EVPL: variants seen among roughly 807,000 people sequenced by gnomAD.
The protein encoded by EVPL is 210 kDa cornified envelope precursor protein.
EVPL carries 94 observed loss-of-function variants against 129.7 expected under a neutral mutation model. The observed-to-expected ratio is 0.72, with a 90% CI of 0.61 to 0.86. EVPL has a LOEUF of 0.86. EVPL is among the 40% of genes least tolerant of loss of function. The pLI, the probability that EVPL is intolerant of heterozygous loss-of-function variation, is 0.00. For synonymous variants in EVPL, 1,172 were observed against 1,191.1 expected (o/e 0.98, Z 0.33); for missense variants, 2,625 against 2,721.1 (o/e 0.96, Z 0.79).
At chr17:76,010,950 T>C (rs1403725935) in intron 21 of EVPL, among the ~76,000 whole-genome samples, 1 of 152,114 alleles carries the variant, frequency 6.6e-6, no homozygotes, top group African/African-American at 2.4e-5. Context: ...TAATCCCAGT[T>C]ACTCAGGAGG....
intron 1 of EVPL, 85 bp downstream of exon 1, chr17:76,027,016 C>T (rs1489523326): frequency 1.4e-5 from 11 of 805,388 alleles, no homozygotes; most frequent in South Asian, 3.9e-5. Flanking sequence ...TCTGGGCCGC[C>T]GCCGCCGCCA....
chr17:76,022,134 G>A lies in EVPL; in HGVS notation c.645+55C>T. On this transcript the variant is annotated intron_variant, in intron 6 of 21. Transcript: ENST00000301607. The surrounding 1 kb of genome is among the most constrained non-coding windows in gnomAD (Gnocchi z 5.6). ...GAACACTGGCCCCGGGCAGGGTCCG[G>A]GCGGCCACCCAGGCCCACCCGCAGC... 1 of 1,603,672 alleles carries A rather than the reference G, an allele frequency of 6.2e-7. No homozygotes were observed.
Position 76,008,060 on chromosome 17 carries a change from C to T in EVPL, c.5145G>A (p.Gln1715=). 6.2e-7 allele frequency: 1 copy of T among 1,614,208 alleles called. No homozygotes were observed. ...CCCAGTCACACTCGAGCTCCTGCAGCTGCAAGTACTGGCCCCTGTCGATGA... is the reference window on the plus strand; with the variant it reads ...CCCAGTCACACTCGAGCTCCTGCAGTTGCAAGTACTGGCCCCTGTCGATGA... ...RGIIDRGQYL[Q]LQELECDWEE... Residue 1715 remains glutamine (Q), a synonymous_variant, in exon 22 of 22, where the codon CAG becomes CAA. Transcript: ENST00000301607. The surrounding 1 kb of genome is among the most constrained non-coding windows in gnomAD (Gnocchi z 7.4).
Position 76,015,043 on chromosome 17 carries a change from A to G in EVPL, c.2095T>C (p.Ser699Pro). The change falls in exon 17 of 22, where the codon TCG (serine) becomes CCG (proline). Residue 699 changes from serine (S) to proline (P), a missense_variant. Ser to Pro is a moderately conservative substitution (Grantham distance 74, BLOSUM62 -1). Transcript: ENST00000301607. ...TGCAGGGCAGCGCATGCGTGCTCCG[A>G]GGCCTTCAGCGCGCGGTGTAGCCGC... Reference protein sequence around the residue: ...VLRLHRALKASEHACAALQNN... With the variant: ...VLRLHRALKAPEHACAALQNN... 3.1e-6 allele frequency: 5 copies of G among 1,591,162 alleles called. No individual in the cohort carries two copies. The highest frequency in any genetic ancestry group is 4.3e-6 in the Non-Finnish European group (5 of 1,173,602).
At chr17:76,017,668 C>T in intron 14 of EVPL, 71 bp downstream of exon 14, 3 of 1,558,596 alleles carry the variant, frequency 1.9e-6, no homozygotes, top group South Asian at 1.2e-5. Flanking sequence ...ACTTGCCTCA[C>T]CTCCCTCAAG....
chr17:76,007,376 C>G lies in EVPL; in HGVS notation c.5829G>C (p.Gly1943=). 1.3e-6 allele frequency: 2 copies of G among 1,596,464 alleles called. No homozygotes were observed. The highest frequency in any genetic ancestry group is 8.6e-7 in the Non-Finnish European group (1 of 1,168,164). The change falls in exon 22 of 22, where the codon GGG becomes GGC. Residue 1943 remains glycine, a synonymous_variant. Transcript: ENST00000301607. The surrounding 1 kb of genome is among the most constrained non-coding windows in gnomAD (Gnocchi z 8.8). ...GGCCTGTCCTCTTGGGGTCGATGAG[C>G]CCCCCGGTCAGGTGCTGCACCTGCA... ...PHLQVQHLTG[G]LIDPKRTGRI...
In EVPL at chr17:76,024,215, G is replaced by T. The variant is rs547797569; in HGVS notation, c.99-95C>A. 18 of 1,148,698 alleles carry T rather than the reference G, an allele frequency of 1.6e-5. No homozygotes were observed. Among genetic ancestry groups the T allele is most frequent in the Non-Finnish European group, 2.3e-5 (18 of 787,090 alleles). 71.2% of individuals were successfully genotyped at this position (1,148,698 alleles called of 1,614,324 possible). The stretch of plus-strand genomic sequence containing the variant: ...CCCTGCCCTCCCTCCACCCCATCCT[G>T]CCCCCACAGCCTAGCTCACTGCCCT... On this transcript the variant is annotated intron_variant, in intron 1 of 21. Transcript: ENST00000301607. This position sits in a 1 kb window ranked among gnomAD's most constrained non-coding sequence, Gnocchi z 4.5.
At chr17:76,016,726 C>A (rs2066421366) in intron 14 of EVPL, among the ~76,000 whole-genome samples, 1 of 152,168 alleles carries the variant, frequency 6.6e-6, no homozygotes, top group Admixed American at 6.5e-5. Context: ...CCAGCCTGGG[C>A]AACATGGCAA....
intron 20 of EVPL, 30 bp from the exon 21 acceptor site, chr17:76,011,698 C>T: frequency 1.2e-6 from 2 of 1,612,618 alleles, no homozygotes; most frequent in South Asian, 1.1e-5. Flanking sequence ...AGGGGAAGGG[C>T]AGAGTCAGCT....
In EVPL at chr17:76,018,963, G is replaced by T; in HGVS notation, c.1235C>A (p.Pro412His). 6.4e-7 allele frequency: 1 copy of T among 1,564,324 alleles called. No homozygotes were observed. The highest frequency in any genetic ancestry group is 8.6e-7 in the Non-Finnish European group (1 of 1,159,542). Residue 412 changes from proline to histidine, a missense_variant, in exon 11 of 22, where the codon CCT becomes CAT. Coordinates refer to ENST00000301607, the MANE Select transcript of EVPL (RefSeq NM_001988.4). ...GCTGTCCACGTGCAGGGGCTGCTGA[G>T]GGGGGTTTCTTCGCTGTGGCAGAGG... ...VAPLPQRRNPPQQPLHVDSIC... is the reference protein window; with the variant it reads ...VAPLPQRRNPHQQPLHVDSIC...
In EVPL at chr17:76,008,396, C is replaced by T; in HGVS notation, c.4809G>A (p.Glu1603=). The T allele has an allele frequency of 6.3e-7, 1 of 1,595,242 alleles. No individual in the cohort carries two copies. The highest frequency in any genetic ancestry group is 1.3e-5 in the African/African-American group (1 of 74,888). ...GCAGTGTCTGCTGCTGCTTCTGCCT[C>T]TCCAGAGCCCGCAGCTCCTGCTGCA... ...GRLQQELRAL[E]RQKQQQTLQL... The change falls in exon 22 of 22, where the codon GAG becomes GAA. Residue 1603 remains glutamate, a synonymous_variant. Coordinates refer to ENST00000301607, the MANE Select transcript of EVPL (RefSeq NM_001988.4). This position sits in a 1 kb window ranked among gnomAD's most constrained non-coding sequence, Gnocchi z 7.4.
rs780992252 is a variant in EVPL at position 76,015,476 on chromosome 17, C to G, written c.1863G>C (p.Gln621His). The G allele has an allele frequency of 6.2e-7, 1 of 1,613,324 alleles. No homozygotes were observed. Among genetic ancestry groups the G allele is most frequent in the Non-Finnish European group, 8.5e-7 (1 of 1,179,998 alleles). The change falls in exon 15 of 22, where the codon CAG (glutamine) becomes CAC (histidine). Residue 621 changes from glutamine to histidine, a missense_variant. Physicochemically the swap from Gln to His is conservative, Grantham distance 24. Around this residue, in one of 4 missense-constraint regions of EVPL, gnomAD observed 1,024 missense variants for 997.5 expected, o/e 1.03. Transcript: ENST00000301607. ...TCTCCCCGTAGAGGCTGCACAGAACCTGCACGTCACTGAACTTGTTCTTCA... is the reference window on the plus strand; with the variant it reads ...TCTCCCCGTAGAGGCTGCACAGAACGTGCACGTCACTGAACTTGTTCTTCA... Reference protein sequence around the residue: ...NSVKNKFSDVQVLCSLYGEKA... With the variant: ...NSVKNKFSDVHVLCSLYGEKA...
At chr17:76,016,105 G>A (rs1176521061) in intron 14 of EVPL, among the ~76,000 whole-genome samples, 1 of 152,066 alleles carries the variant, frequency 6.6e-6, no homozygotes, top group Non-Finnish European at 1.5e-5. Context: ...AGATCACACC[G>A]CTGCACTCCA....
At position 76,008,708 on chromosome 17, in the gene EVPL, G is replaced by C. The variant is rs1408148017; in HGVS notation, c.4497C>G (p.Cys1499Trp). The C allele has an allele frequency of 6.2e-7, 1 of 1,613,486 alleles. No homozygotes were observed. Among genetic ancestry groups the C allele is most frequent in the Admixed American group, 1.7e-5 (1 of 59,998 alleles). Residue 1499 changes from cysteine to tryptophan, a missense_variant, in exon 22 of 22, where the codon TGC becomes TGG. By Grantham distance (215) the Cys-to-Trp change is radical. Coordinates refer to ENST00000301607, the MANE Select transcript of EVPL (RefSeq NM_001988.4). This position sits in a 1 kb window ranked among gnomAD's most constrained non-coding sequence, Gnocchi z 7.4. ...KTQVTELNRE[C>W]KNLQVQIDVL... ...CGTCAATCTGGACCTGCAGGTTCTT[G>C]CACTCCCGATTCAGCTCGGTTACCT...
chr17:76,023,292 CT>C lies in EVPL; in HGVS notation c.479del (p.Gln160ArgfsTer56). The stretch of plus-strand genomic sequence containing the variant: ...TGGGGTGTGACTTTGAGTTCCTGAC[CT>C]GTTTCTGCTCCAGCACGCGTGCCCA... Reference protein sequence around the residue: ...VDWARVLEQKQKQVCAGQYGP... With the variant: ...VDWARVLEQKXKQVCAGQYGP... On this transcript the variant is annotated frameshift_variant and splice_region_variant, in exon 4 of 22. Coordinates refer to ENST00000301607, the MANE Select transcript of EVPL (RefSeq NM_001988.4). LOFTEE classifies it high-confidence loss of function. The C allele has an allele frequency of 6.2e-7, 1 of 1,613,898 alleles. No individual in the cohort carries two copies. The highest frequency in any genetic ancestry group is 1.7e-5 in the Admixed American group (1 of 60,022).
In EVPL at chr17:76,022,824, C is replaced by T. The variant is rs977592899; in HGVS notation, c.481-286G>A. On this transcript the variant is annotated intron_variant, in intron 4 of 21. Transcript: ENST00000301607. This position sits in a 1 kb window ranked among gnomAD's most constrained non-coding sequence, Gnocchi z 5.6. ...TCAGTGCTTCCTGCCTGGACACCAC[C>T]AGCCAAGCTCTAGGGCCCTCAGAAT... 7.2e-5 allele frequency among the ~76,000 whole-genome samples: 11 copies of T among 152,162 alleles called. No individual in the cohort carries two copies. Among genetic ancestry groups the T allele is most frequent in the African/African-American group, 2.7e-4 (11 of 41,436 alleles).
intron 12 of EVPL, 29 bp from the exon 13 acceptor site, chr17:76,018,287 G>C: frequency 6.6e-7 from 1 of 1,525,118 alleles, no homozygotes. Context: ...TGAAGAAAGA[G>C]GTCCCCACTC....
Position 76,013,690 on chromosome 17 carries a change from C to T in EVPL, c.2373+736G>A, listed in dbSNP as rs1032541259. Reference sequence around the variant, plus strand: ...TCGCCCTGTGCCATGGTCCCTTCCCCGGCCAGGCCACCACTCTCTCTCCGC... The same window carrying T: ...TCGCCCTGTGCCATGGTCCCTTCCCTGGCCAGGCCACCACTCTCTCTCCGC... On this transcript the variant is annotated intron_variant, in intron 18 of 21. Coordinates refer to ENST00000301607, the MANE Select transcript of EVPL (RefSeq NM_001988.4). The surrounding 1 kb of genome is among the most constrained non-coding windows in gnomAD (Gnocchi z 4.3). 6.6e-5 allele frequency among the ~76,000 whole-genome samples: 10 copies of T among 152,188 alleles called. No homozygotes were observed. Among genetic ancestry groups the T allele is most frequent in the Non-Finnish European group, 1.3e-4 (9 of 68,032 alleles).
chr17:76,008,554 G>A lies in EVPL; in HGVS notation c.4651C>T (p.Gln1551Ter). ...CGCCGTGCCTCCTCCTCCCGGGCCTGCCGGGCCGTGCGCTCCCTGTTGAGC... is the reference window on the plus strand; with the variant it reads ...CGCCGTGCCTCCTCCTCCCGGGCCTACCGGGCCGTGCGCTCCCTGTTGAGC... ...EMLNRERTAR[Q>*]AREEEARRLR... Residue 1551 changes from glutamine to a stop codon, truncating the protein, a stop_gained, in exon 22 of 22, where the codon CAG becomes TAG. Coordinates refer to ENST00000301607, the MANE Select transcript of EVPL (RefSeq NM_001988.4). LOFTEE classifies it low-confidence loss of function (END_TRUNC). The surrounding 1 kb of genome is among the most constrained non-coding windows in gnomAD (Gnocchi z 7.4). The A allele has an allele frequency of 6.2e-7, 1 of 1,608,894 alleles. No homozygotes were observed. The highest frequency in any genetic ancestry group is 8.5e-7 in the Non-Finnish European group (1 of 1,179,822).
Sources: allele counts gnomAD v4.1 joint callset (sites outside exome capture counted in the v4.1 genomes callset), GRCh38; gene constraint gnomAD v4.1.1; regional missense constraint gnomAD v4.1.1; non-coding constraint Gnocchi (gnomAD v3.1); transcripts MANE v1.5; gene names NCBI Gene and HGNC (gene_info 2026-07-23, HGNC 2026-07-21).